ITSN1: variants seen among roughly 807,000 people sequenced by gnomAD.
ITSN1 encodes the protein intersectin 1.
ITSN1 carries 58 observed loss-of-function variants against 239.8 expected under a neutral mutation model. That is an observed-to-expected ratio of 0.24 (90% CI 0.20 to 0.30). The LOEUF (loss-of-function observed/expected upper bound fraction) is 0.30. ITSN1 is among the 10% of genes least tolerant of loss of function. ITSN1 has a pLI of 1.00. For synonymous variants in ITSN1, 780 were observed against 770.8 expected (o/e 1.01, Z -0.20); for missense variants, 1,558 against 2,103.3 (o/e 0.74, Z 5.07).
intron 1 of ITSN1, among the ~76,000 whole-genome samples, chr21:33,688,408 A>T (rs1364779020): frequency 6.6e-6 from 1 of 152,218 alleles, no homozygotes; most frequent in East Asian, 1.9e-4. Flanking sequence ...GTTTATGTGG[A>T]TGAGGACTAA....
chr21:33,782,882 G>A (rs1052786023), intron 16 of ITSN1, among the ~76,000 whole-genome samples: 4 of 152,004 alleles, frequency 2.6e-5, no homozygotes, highest in African/African-American at 9.7e-5. Flanking sequence ...AAAATTAGCC[G>A]GGCATGGTGG....
chr21:33,856,023 T>A (rs1979257727), intron 29 of ITSN1, among the ~76,000 whole-genome samples: 1 of 152,172 alleles, frequency 6.6e-6, no homozygotes, highest in Non-Finnish European at 1.5e-5. Context: ...AGTCTCAGGG[T>A]TTGGCTCTTG....
intron 29 of ITSN1, among the ~76,000 whole-genome samples, chr21:33,840,928 A>G (rs1247806214): frequency 6.6e-6 from 1 of 152,118 alleles, no homozygotes; most frequent in Non-Finnish European, 1.5e-5. Flanking sequence ...TCCAAATGAG[A>G]TTGTCTTCAT....
At chr21:33,881,109 C>G (rs141942892) in intron 34 of ITSN1, among the ~76,000 whole-genome samples, 3 of 152,248 alleles carry the variant, frequency 2.0e-5, no homozygotes, top group Non-Finnish European at 2.9e-5. Context: ...GAGGGTCGCT[C>G]AACACCACTG....
intron 33 of ITSN1, among the ~76,000 whole-genome samples, chr21:33,873,289 C>G (rs1983061257): frequency 6.6e-6 from 1 of 152,240 alleles, no homozygotes; most frequent in African/African-American, 2.4e-5. Flanking sequence ...GGGCCATTTA[C>G]ATTGTTTGTA....
At chr21:33,733,516 A>G (rs2066314585) in intron 4 of ITSN1, among the ~76,000 whole-genome samples, 1 of 152,218 alleles carries the variant, frequency 6.6e-6, no homozygotes, top group South Asian at 2.1e-4. Context: ...TTTATGCCGT[A>G]CATATACATA....
At chr21:33,730,910 G>A (rs569245363) in intron 4 of ITSN1, among the ~76,000 whole-genome samples, 1 of 150,748 alleles carries the variant, frequency 6.6e-6, no homozygotes, top group South Asian at 2.1e-4. Context: ...TGGTCAGACT[G>A]GTCTCGAACT....
At chr21:33,774,682 A>G in intron 12 of ITSN1, 47 bp from the exon 13 acceptor site, 6 of 1,569,182 alleles carry the variant, frequency 3.8e-6, no homozygotes, top group Non-Finnish European at 5.2e-6. Context: ...GACATTGTGT[A>G]GTGTAAGAAC....
At chr21:33,879,177 G>C (rs1984490580) in intron 34 of ITSN1, among the ~76,000 whole-genome samples, 1 of 152,138 alleles carries the variant, frequency 6.6e-6, no homozygotes, top group South Asian at 2.1e-4. Context: ...GTGAGACCCT[G>C]TCTCTACAAA....
chr21:33,784,342 C>G (rs2070459716), intron 16 of ITSN1, among the ~76,000 whole-genome samples: 1 of 150,796 alleles, frequency 6.6e-6, no homozygotes, highest in Admixed American at 6.6e-5. Flanking sequence ...CACACACACA[C>G]ACACACACAC....
At chr21:33,845,590 C>T (rs1270053276) in intron 29 of ITSN1, among the ~76,000 whole-genome samples, 1 of 152,068 alleles carries the variant, frequency 6.6e-6, no homozygotes, top group Non-Finnish European at 1.5e-5. Flanking sequence ...TCATTTATTC[C>T]TATTTGTGCT....
At chr21:33,666,871 A>G (rs1212060117) in intron 1 of ITSN1, among the ~76,000 whole-genome samples, 1 of 152,190 alleles carries the variant, frequency 6.6e-6, no homozygotes, top group Non-Finnish European at 1.5e-5. Context: ...GTGCAATGAC[A>G]GCTCACTGCA....
chr21:33,781,871 A>G (rs2147892264), intron 15 of ITSN1, 123 bp from the exon 16 acceptor site: 1 of 952,784 alleles, frequency 1.0e-6, no homozygotes, highest in Non-Finnish European at 1.5e-6. Flanking sequence ...AGGCCACCGC[A>G]CCCAGCCTTT....
chr21:33,685,291 T>C (rs1266021175), intron 1 of ITSN1, among the ~76,000 whole-genome samples: 2 of 152,210 alleles, frequency 1.3e-5, no homozygotes, highest in Non-Finnish European at 2.9e-5. Flanking sequence ...TTTCTTCAAG[T>C]TTCCCTTGTC....
chr21:33,832,628 G>A (rs968246138), intron 27 of ITSN1, among the ~76,000 whole-genome samples: 7 of 151,930 alleles, frequency 4.6e-5, no homozygotes, highest in African/African-American at 1.7e-4. Context: ...GTGTCATTGC[G>A]AGCAGAATGG....
intron 1 of ITSN1, among the ~76,000 whole-genome samples, chr21:33,706,808 T>C (rs137891280): frequency 0.055 from 8,419 of 152,172 alleles, 786 homozygotes; most frequent in African/African-American, 0.19. Flanking sequence ...CTGCAACCTC[T>C]GCCTTCTGGG....
intron 1 of ITSN1, among the ~76,000 whole-genome samples, chr21:33,681,501 A>G (rs1009147257): frequency 6.6e-6 from 1 of 152,052 alleles, no homozygotes; most frequent in Non-Finnish European, 1.5e-5. Flanking sequence ...GTGAGCTGAC[A>G]TCATGCCATT....
chr21:33,688,071 G>C (rs540267097), intron 1 of ITSN1, among the ~76,000 whole-genome samples: 1 of 148,396 alleles, frequency 6.7e-6, no homozygotes, highest in Non-Finnish European at 1.5e-5. Flanking sequence ...AATCATCACT[G>C]TTTTGTTTGC....
chr21:33,826,506 C>G lies in ITSN1; in HGVS notation c.3184-312C>G, dbSNP rs141907315. On this transcript the variant is annotated intron_variant, in intron 25 of 39. Coordinates refer to ENST00000381318, the MANE Select transcript of ITSN1 (RefSeq NM_003024.3). ...TTTAGGATGTAAACTAACAGTCTTC[C>G]TAGCCTGGAACCTCCTCTTAGATTT... Among the ~76,000 whole-genome samples the G allele has an allele frequency of 4.1e-3, 628 of 152,288 alleles. 9 individuals carry two copies. Among genetic ancestry groups the G allele is most frequent in the African/African-American group, 0.014 (599 of 41,556 alleles).
Sources: allele counts gnomAD v4.1 joint callset (sites outside exome capture counted in the v4.1 genomes callset), GRCh38; gene constraint gnomAD v4.1.1; transcripts MANE v1.5; gene names NCBI Gene and HGNC (gene_info 2026-07-23, HGNC 2026-07-21).